Variants in MAN1C1 observed in about 807,000 individuals in gnomAD.
MAN1C1 encodes the protein mannosyl-oligosaccharide 1,2-alpha-mannosidase IC.
Under a neutral mutation model 71.5 loss-of-function variants are expected in MAN1C1, and 49 were observed. The observed-to-expected ratio is 0.69, with a 90% CI of 0.54 to 0.87. MAN1C1 has a LOEUF of 0.87. MAN1C1 is among the 40% of genes least tolerant of loss of function. The pLI, the probability that MAN1C1 is intolerant of heterozygous loss-of-function variation, is 0.00. For missense variants in MAN1C1, 743 were observed against 835.0 expected, an observed-to-expected ratio of 0.89 and a Z score of 1.36; for synonymous variants, 352 against 343.7, an observed-to-expected ratio of 1.02 and a Z score of -0.27.
chr1:25,742,137 C>T (rs1277311556), intron 2 of MAN1C1, among the ~76,000 whole-genome samples: 2 of 152,184 alleles, frequency 1.3e-5, no homozygotes, highest in Non-Finnish European at 2.9e-5. Context: ...CCTTGAAGAA[C>T]ATGTTAGTGT....
chr1:25,745,225 T>C (rs1381965373), intron 2 of MAN1C1, among the ~76,000 whole-genome samples: 1 of 152,238 alleles, frequency 6.6e-6, no homozygotes, highest in Non-Finnish European at 1.5e-5. Context: ...AGGTGCCTGA[T>C]GCCCAGTGGT....
intron 1 of MAN1C1, among the ~76,000 whole-genome samples, chr1:25,643,592 A>G (rs1036705426): frequency 2.8e-4 from 39 of 141,666 alleles, no homozygotes; most frequent in African/African-American, 1.0e-3. Flanking sequence ...TATATTTATT[A>G]TTATTATTAT....
rs538555527 is a variant in MAN1C1 at position 25,629,324 on chromosome 1, G to C, written c.540+10987G>C. 6.6e-5 allele frequency among the ~76,000 whole-genome samples: 10 copies of C among 152,076 alleles called. No homozygotes were observed. The East Asian group carries it at 1.7e-3, about 26-fold the overall frequency. ...AGGTTGTGGTTTTAATTTGCATTGT[G>C]GTTTTAATTTGCATTTCCCTGATGA... On this transcript the variant is annotated intron_variant, in intron 1 of 11. Coordinates refer to ENST00000374332, the MANE Select transcript of MAN1C1 (RefSeq NM_020379.4).
At chr1:25,694,633 G>A (rs1000759666) in intron 2 of MAN1C1, among the ~76,000 whole-genome samples, 4 of 152,198 alleles carry the variant, frequency 2.6e-5, no homozygotes, top group African/African-American at 9.7e-5. Context: ...GTGTGACTTA[G>A]TAGTGCCTTC....
chr1:25,652,323 C>T (rs2045703835), intron 1 of MAN1C1, among the ~76,000 whole-genome samples: 1 of 152,248 alleles, frequency 6.6e-6, no homozygotes, highest in Admixed American at 6.5e-5. Flanking sequence ...CAAATGGCTT[C>T]TCCAAGTAAC....
rs1383214968 is a variant in MAN1C1, at chr1:25,617,771, G to A, written c.-27G>A. ...GCAGACACGTGCCTGGACTCCGAGG[G>A]CTTCTGGAGCCACCGGCCGGGCCAC... On this transcript the variant is annotated 5_prime_UTR_variant, in exon 1 of 12. Transcript: ENST00000374332. This position sits in a 1 kb window ranked among gnomAD's most constrained non-coding sequence, Gnocchi z 5.1. 2 of 1,557,730 alleles carry A rather than the reference G, an allele frequency of 1.3e-6. No homozygotes were observed. Among genetic ancestry groups the A allele is most frequent in the Admixed American group, 1.9e-5 (1 of 52,610 alleles).
At chr1:25,705,205 G>A (rs533453166) in intron 2 of MAN1C1, among the ~76,000 whole-genome samples, 10 of 152,248 alleles carry the variant, frequency 6.6e-5, no homozygotes, top group Admixed American at 4.6e-4. Flanking sequence ...TTCCACTACC[G>A]TGTATCCCTG....
At chr1:25,747,609 G>A (rs909269186) in intron 3 of MAN1C1, among the ~76,000 whole-genome samples, 2 of 152,144 alleles carry the variant, frequency 1.3e-5, no homozygotes, top group South Asian at 4.1e-4. Flanking sequence ...TGGCAGCAGC[G>A]AGGACCCTGC....
chr1:25,675,589 G>C lies in MAN1C1; in HGVS notation c.541-10851G>C, dbSNP rs111300678. On this transcript the variant is annotated intron_variant, in intron 1 of 11. Transcript: ENST00000374332. The stretch of plus-strand genomic sequence containing the variant: ...TCATATAATGACTTATTTTGCGGGG[G>C]GGGGGGGAGGTGGTTACCCAGTGTG... 4.1e-3 allele frequency among the ~76,000 whole-genome samples: 590 copies of C among 144,562 alleles called. 10 individuals are homozygous for C. Among genetic ancestry groups the C allele is most frequent in the African/African-American group, 0.013 (519 of 39,174 alleles). 94.8% of individuals were successfully genotyped at this position (144,562 alleles called of 152,430 possible).
chr1:25,784,040 T>C lies in MAN1C1; in HGVS notation c.*251T>C. ...GAGAATTTCTATGAAGCCCACTCAC[T>C]TGCCATTCCAGGGCCAAAGGACCGG... On this transcript the variant is annotated 3_prime_UTR_variant, in exon 12 of 12. Coordinates refer to ENST00000374332, the MANE Select transcript of MAN1C1 (RefSeq NM_020379.4). The C allele has an allele frequency of 2.4e-6, 1 of 420,182 alleles. No individual in the cohort carries two copies. The highest frequency in any genetic ancestry group is 5.2e-5 in the South Asian group (1 of 19,272). 26.0% of individuals were successfully genotyped at this position (420,182 alleles called of 1,614,324 possible). A position where few individuals can be genotyped will look rare whatever the true frequency, so the allele number is the denominator to read the frequency against.
intron 1 of MAN1C1, among the ~76,000 whole-genome samples, chr1:25,665,507 TC>T (rs2045909856): frequency 6.6e-6 from 1 of 152,176 alleles, no homozygotes; most frequent in Non-Finnish European, 1.5e-5. Flanking sequence ...TTAGCTGCAT[TC>T]TGCCATCATC....
chr1:25,771,874 G>A, intron 8 of MAN1C1, 102 bp downstream of exon 8: 1 of 831,240 alleles, frequency 1.2e-6, no homozygotes, highest in Non-Finnish European at 2.0e-6. Flanking sequence ...GATGGGCCGA[G>A]ACTTGCTCCC....
rs139335156 is a variant in MAN1C1, at chr1:25,758,656, T to C, written c.994T>C (p.Leu332=). ...CTTGGCGGAGTTTGGATCCCTGCAC[T>C]TGGAATTCTTACACCTCACTGAACT... ...SILAEFGSLH[L]EFLHLTELSG... The change falls in exon 6 of 12, where the codon TTG becomes CTG. Residue 332 remains leucine, a synonymous_variant. Coordinates refer to ENST00000374332, the MANE Select transcript of MAN1C1 (RefSeq NM_020379.4). The C allele has an allele frequency of 2.5e-6, 4 of 1,614,062 alleles. No homozygotes were observed. In the African/African-American group the frequency reaches 4.0e-5, roughly 16 times the overall value.
chr1:25,635,594 C>T (rs572926348), intron 1 of MAN1C1, among the ~76,000 whole-genome samples: 2 of 152,128 alleles, frequency 1.3e-5, no homozygotes, highest in East Asian at 3.9e-4. Flanking sequence ...GGATTACAGG[C>T]ATGTGCCACC....
intron 1 of MAN1C1, among the ~76,000 whole-genome samples, chr1:25,627,432 G>C (rs938179760): frequency 6.6e-6 from 1 of 152,016 alleles, no homozygotes; most frequent in African/African-American, 2.4e-5. Flanking sequence ...GAGCCACCAC[G>C]CCCAACTAAT....
At chr1:25,652,659 G>A (rs903637616) in intron 1 of MAN1C1, among the ~76,000 whole-genome samples, 2 of 152,202 alleles carry the variant, frequency 1.3e-5, no homozygotes, top group Admixed American at 6.5e-5. Flanking sequence ...CCCTCCCACC[G>A]ACATGCAGGA....
At chr1:25,661,829 C>T (rs2045853687) in intron 1 of MAN1C1, among the ~76,000 whole-genome samples, 1 of 152,232 alleles carries the variant, frequency 6.6e-6, no homozygotes, top group African/African-American at 2.4e-5. Flanking sequence ...AGAAATATCA[C>T]AGGATAGCCT....
At chr1:25,620,787 T>C (rs754739772) in intron 1 of MAN1C1, among the ~76,000 whole-genome samples, 18 of 152,232 alleles carry the variant, frequency 1.2e-4, no homozygotes, top group African/African-American at 3.6e-4. Context: ...GAATGAAAAC[T>C]GGACACTTGG....
rs558839283 is a variant in MAN1C1 at position 25,744,753 on chromosome 1, G to A, written c.638-1915G>A. ...TTCTCTGCCTTCAGTCAACACAAGT[G>A]AGCAGTTAGGAAGCACTCATTAAGG... On this transcript the variant is annotated intron_variant, in intron 2 of 11. Coordinates refer to ENST00000374332, the MANE Select transcript of MAN1C1 (RefSeq NM_020379.4). 4.6e-5 allele frequency among the ~76,000 whole-genome samples: 7 copies of A among 152,280 alleles called. No homozygotes were observed. In the South Asian group the frequency reaches 1.4e-3, roughly 32 times the overall value.
Sources: allele counts gnomAD v4.1 joint callset (sites outside exome capture counted in the v4.1 genomes callset), GRCh38; gene constraint gnomAD v4.1.1; non-coding constraint Gnocchi (gnomAD v3.1); transcripts MANE v1.5; gene names NCBI Gene and HGNC (gene_info 2026-07-23, HGNC 2026-07-21).